Variants in KCNB2 observed in about 807,000 individuals in gnomAD.
KCNB2 encodes delayed rectifier potassium channel protein.
A neutral mutation model predicts 61.5 loss-of-function variants in KCNB2; 15 were observed. That is an observed-to-expected ratio of 0.24 (90% CI 0.16 to 0.38). The LOEUF (loss-of-function observed/expected upper bound fraction) is 0.38. Ranked by LOEUF, KCNB2 falls within the 10% of genes least tolerant of loss-of-function variation. The pLI is 1.00. For missense variants in KCNB2, 828 were observed against 1,125.2 expected (o/e 0.74, Z 3.78); for synonymous variants, 457 against 446.0 (o/e 1.02, Z -0.31).
At chr8:72,607,329 G>A (rs1396477026) in intron 2 of KCNB2, among the ~76,000 whole-genome samples, 1 of 152,004 alleles carries the variant, frequency 6.6e-6, no homozygotes, top group Non-Finnish European at 1.5e-5. Flanking sequence ...AAGTAGAAAG[G>A]ACCATCCTTC....
intron 1 of KCNB2, among the ~76,000 whole-genome samples, chr8:72,543,676 T>A (rs1021960540): frequency 1.4e-4 from 21 of 152,236 alleles, no homozygotes; most frequent in African/African-American, 5.1e-4. Flanking sequence ...TAGTCACAGA[T>A]AACAGTAAGC....
chr8:72,886,220 C>G (rs1333341477), intron 2 of KCNB2, among the ~76,000 whole-genome samples: 2 of 152,160 alleles, frequency 1.3e-5, no homozygotes, highest in African/African-American at 4.8e-5. Context: ...CATCTCTTGA[C>G]CTGGGCACCC....
intron 2 of KCNB2, among the ~76,000 whole-genome samples, chr8:72,912,231 A>G (rs908204594): frequency 2.6e-5 from 4 of 151,986 alleles, no homozygotes; most frequent in African/African-American, 7.2e-5. Context: ...GTGTAACCCA[A>G]CTCCACATGG....
At chr8:72,571,479 T>C (rs1289928458) in intron 2 of KCNB2, among the ~76,000 whole-genome samples, 2 of 152,204 alleles carry the variant, frequency 1.3e-5, no homozygotes, top group Non-Finnish European at 2.9e-5. Context: ...TAGAAAACCA[T>C]GAAATATAAT....
chr8:72,766,823 T>A (rs1808466520), intron 2 of KCNB2, among the ~76,000 whole-genome samples: 1 of 152,164 alleles, frequency 6.6e-6, no homozygotes, highest in Non-Finnish European at 1.5e-5. Context: ...GTCTGAGACA[T>A]GTATTAGTCC....
intron 2 of KCNB2, among the ~76,000 whole-genome samples, chr8:72,808,895 G>GA (rs1809264377): frequency 6.6e-6 from 1 of 152,020 alleles, no homozygotes; most frequent in Admixed American, 6.6e-5. Context: ...GATCTACTTG[G>GA]AGTTTTGTGA....
intron 2 of KCNB2, among the ~76,000 whole-genome samples, chr8:72,723,299 G>T (rs17764798): frequency 0.032 from 4,840 of 152,246 alleles, 110 homozygotes; most frequent in Non-Finnish European, 0.052. Context: ...TTTGCACGAG[G>T]TGCTTATTTG....
At chr8:72,786,204 G>A (rs1004353174) in intron 2 of KCNB2, among the ~76,000 whole-genome samples, 2 of 152,002 alleles carry the variant, frequency 1.3e-5, no homozygotes, top group African/African-American at 2.4e-5. Flanking sequence ...TGACCTAGCC[G>A]TATTATTTAA....
chr8:72,789,370 G>A (rs1352799778), intron 2 of KCNB2, among the ~76,000 whole-genome samples: 9 of 152,166 alleles, frequency 5.9e-5, no homozygotes, highest in Non-Finnish European at 1.0e-4. Flanking sequence ...CAATTCTTGA[G>A]TGCATTTTCA....
intron 2 of KCNB2, among the ~76,000 whole-genome samples, chr8:72,902,248 T>C (rs1319701343): frequency 1.3e-5 from 2 of 151,740 alleles, no homozygotes; most frequent in Non-Finnish European, 2.9e-5. Flanking sequence ...AAGAAGGAAA[T>C]GAAGCTAAAA....
chr8:72,913,658 G>C (rs1391154969), intron 2 of KCNB2, among the ~76,000 whole-genome samples: 1 of 152,168 alleles, frequency 6.6e-6, no homozygotes, highest in African/African-American at 2.4e-5. Flanking sequence ...TCAGAAGCCA[G>C]GAGCCAAGGG....
At chr8:72,794,146 G>C (rs761224676) in intron 2 of KCNB2, among the ~76,000 whole-genome samples, 1 of 152,200 alleles carries the variant, frequency 6.6e-6, no homozygotes, top group Non-Finnish European at 1.5e-5. Context: ...GAGAGGCAAT[G>C]GTGGTTTGTC....
At chr8:72,816,784 G>C (rs1194091829) in intron 2 of KCNB2, among the ~76,000 whole-genome samples, 1 of 152,122 alleles carries the variant, frequency 6.6e-6, no homozygotes, top group Non-Finnish European at 1.5e-5. Flanking sequence ...AATGTTAATT[G>C]CTCCTTTCCC....
At chr8:72,899,503 A>G (rs868182429) in intron 2 of KCNB2, among the ~76,000 whole-genome samples, 1 of 152,216 alleles carries the variant, frequency 6.6e-6, no homozygotes, top group Non-Finnish European at 1.5e-5. Context: ...AAAAGCTCCC[A>G]AAACTGATAA....
chr8:72,792,340 T>A (rs949715316), intron 2 of KCNB2, among the ~76,000 whole-genome samples: 1 of 152,242 alleles, frequency 6.6e-6, no homozygotes, highest in African/African-American at 2.4e-5. Flanking sequence ...GTTTACTTTT[T>A]ATGACCACTA....
At chr8:72,602,125 T>C (rs1464485078) in intron 2 of KCNB2, among the ~76,000 whole-genome samples, 5 of 152,220 alleles carry the variant, frequency 3.3e-5, no homozygotes, top group Admixed American at 3.3e-4. Flanking sequence ...AAAAGTATTC[T>C]ATTTAGCTTA....
chr8:72,850,251 ACT>A (rs1447736868), intron 2 of KCNB2, among the ~76,000 whole-genome samples: 4 of 142,352 alleles, frequency 2.8e-5, no homozygotes, highest in African/African-American at 1.1e-4. Flanking sequence ...ATAGAGTCTC[ACT>A]CTGTCACCCA....
intron 2 of KCNB2, among the ~76,000 whole-genome samples, chr8:72,646,197 TATATA>T (rs1266473183): frequency 3.9e-5 from 6 of 152,006 alleles, no homozygotes; most frequent in Non-Finnish European, 8.8e-5. Context: ...TATACTTAAA[TATATA>T]ATATCTTCAA....
intron 2 of KCNB2, among the ~76,000 whole-genome samples, chr8:72,818,655 GT>G (rs1466285572): frequency 6.6e-6 from 1 of 152,118 alleles, no homozygotes; most frequent in Non-Finnish European, 1.5e-5. Context: ...AGACCATCTA[GT>G]TTTATTTTCT....
Sources: allele counts gnomAD v4.1 joint callset (sites outside exome capture counted in the v4.1 genomes callset), GRCh38; gene constraint gnomAD v4.1.1; transcripts MANE v1.5; gene names NCBI Gene and HGNC (gene_info 2026-07-23, HGNC 2026-07-21).